NIPBL: variants seen among roughly 807,000 people sequenced by gnomAD.
NIPBL encodes the protein nipped-B-like protein.
Under a neutral mutation model 321.8 loss-of-function variants are expected in NIPBL, and 19 were observed. The observed-to-expected ratio is 0.06, with a 90% CI of 0.04 to 0.09. The LOEUF is 0.09. NIPBL is among the 10% of genes least tolerant of loss of function. NIPBL has a pLI of 1.00. For missense variants in NIPBL, 2,210 were observed against 3,327.0 expected, an observed-to-expected ratio of 0.66 and a Z score of 8.26; for synonymous variants, 1,106 against 1,114.1, an observed-to-expected ratio of 0.99 and a Z score of 0.14.
intron 1 of NIPBL, among the ~76,000 whole-genome samples, chr5:36,888,998 C>T (rs531303453): frequency 6.6e-6 from 1 of 152,034 alleles, no homozygotes; most frequent in Admixed American, 6.5e-5. Context: ...GAAGGGAGAC[C>T]CAGTTTGGTA....
intron 6 of NIPBL, among the ~76,000 whole-genome samples, chr5:36,968,412 C>CA (rs1181445860): frequency 5.3e-5 from 8 of 151,792 alleles, no homozygotes; most frequent in Non-Finnish European, 1.0e-4. Flanking sequence ...ACTAAAAATA[C>CA]AAAAAAATTA....
intron 8 of NIPBL, among the ~76,000 whole-genome samples, chr5:36,973,642 T>C (rs963154426): frequency 1.3e-5 from 2 of 152,160 alleles, no homozygotes; most frequent in Admixed American, 6.5e-5. Context: ...TGATTTTTTT[T>C]GTATTTTTAG....
chr5:36,955,584 C>T lies in NIPBL; in HGVS notation c.177C>T (p.Asp59=), dbSNP rs2149599551. ...EVNCLLACRD[D]NLVSQLVHSL... ...ACTGCCTTTTGGCTTGTAGGGATGA[C>T]AATTTGGTTTCACAGCTTGTCCATA... Residue 59 remains aspartate, a synonymous_variant, in exon 3 of 47, where the codon GAC becomes GAT. Transcript: ENST00000282516. 6.2e-7 allele frequency: 1 copy of T among 1,614,010 alleles called. No individual in the cohort carries two copies. Among genetic ancestry groups the T allele is most frequent in the East Asian group, 2.2e-5 (1 of 44,848 alleles).
chr5:36,937,890 CTGTT>C (rs1172073816), intron 1 of NIPBL, among the ~76,000 whole-genome samples: 7 of 152,034 alleles, frequency 4.6e-5, no homozygotes, highest in African/African-American at 1.7e-4. Context: ...AATCTTTCCC[CTGTT>C]TATTTTTAGT....
At chr5:36,944,986 T>C (rs550650034) in intron 1 of NIPBL, among the ~76,000 whole-genome samples, 48 of 152,268 alleles carry the variant, frequency 3.2e-4, no homozygotes, top group African/African-American at 1.1e-3. Flanking sequence ...GCATTTCTAA[T>C]ACAATTGTGT....
chr5:36,999,137 C>CATTT (rs1746496033), intron 11 of NIPBL, among the ~76,000 whole-genome samples: 1 of 152,132 alleles, frequency 6.6e-6, no homozygotes, highest in Non-Finnish European at 1.5e-5. Flanking sequence ...AGAGTATAGA[C>CATTT]ATTTATTACC....
intron 9 of NIPBL, 51 bp from the exon 10 acceptor site, chr5:36,984,625 G>A (rs762666581): frequency 6.6e-7 from 1 of 1,511,084 alleles, no homozygotes; most frequent in South Asian, 1.2e-5. Context: ...TTTTTAATAA[G>A]ATAAGAATAC....
intron 36 of NIPBL, among the ~76,000 whole-genome samples, chr5:37,044,938 G>A (rs1028066934): frequency 5.3e-5 from 8 of 152,184 alleles, no homozygotes; most frequent in Admixed American, 2.0e-4. Context: ...CTCCTGATAA[G>A]TAAAGATTGG....
intron 1 of NIPBL, among the ~76,000 whole-genome samples, chr5:36,905,334 G>A (rs992114975): frequency 6.6e-6 from 1 of 152,128 alleles, no homozygotes; most frequent in Non-Finnish European, 1.5e-5. Flanking sequence ...GTTTTTTCCT[G>A]TTTGAGTGAG....
chr5:36,967,658 A>G (rs914916646), intron 6 of NIPBL, among the ~76,000 whole-genome samples: 1 of 152,148 alleles, frequency 6.6e-6, no homozygotes, highest in African/African-American at 2.4e-5. Context: ...AATGTTTCTA[A>G]TTTTTTCTAC....
intron 38 of NIPBL, among the ~76,000 whole-genome samples, chr5:37,047,744 T>G (rs1226998486): frequency 2.0e-5 from 3 of 152,234 alleles, no homozygotes; most frequent in Admixed American, 2.0e-4. Flanking sequence ...GCTAGTTATC[T>G]GATCACTCTA....
chr5:36,965,478 G>A (rs754402079), intron 6 of NIPBL, among the ~76,000 whole-genome samples: 3 of 152,108 alleles, frequency 2.0e-5, no homozygotes, highest in Non-Finnish European at 4.4e-5. Flanking sequence ...ATTTTAAGAA[G>A]ATAGAGAATA....
intron 3 of NIPBL, 64 bp from the exon 4 acceptor site, chr5:36,958,040 A>G (rs1741175837): frequency 6.5e-7 from 1 of 1,526,818 alleles, no homozygotes; most frequent in South Asian, 1.1e-5. Context: ...TTACTTTTAT[A>G]TGATAAGTCT....
chr5:37,007,494 A>AT lies in NIPBL; in HGVS notation c.4239+24dup, dbSNP rs1472738992. Reference sequence around the variant, plus strand: ...CTTCAGGTAAGATTTTTTGGTAAGCATTTTGTATATTTCTAAACTAAATGA... The same window carrying AT: ...CTTCAGGTAAGATTTTTTGGTAAGCATTTTTGTATATTTCTAAACTAAATGA... On this transcript the variant is annotated intron_variant, in intron 18 of 46. Coordinates refer to ENST00000282516, the MANE Select transcript of NIPBL (RefSeq NM_133433.4). The AT allele has an allele frequency of 1.3e-6, 2 of 1,567,188 alleles. No individual in the cohort carries two copies. The highest frequency in any genetic ancestry group is 4.5e-5 in the East Asian group (2 of 44,400).
chr5:36,919,251 A>T (rs558891500), intron 1 of NIPBL, among the ~76,000 whole-genome samples: 1 of 152,320 alleles, frequency 6.6e-6, no homozygotes, highest in Admixed American at 6.5e-5. Flanking sequence ...TTACTACCAA[A>T]AGGTAAAGTA....
At chr5:37,055,513 C>T (rs1753999322) in intron 42 of NIPBL, among the ~76,000 whole-genome samples, 1 of 151,814 alleles carries the variant, frequency 6.6e-6, no homozygotes, top group Admixed American at 6.6e-5. Context: ...AGTCAGATTG[C>T]AAAGGAGTTG....
intron 21 of NIPBL, among the ~76,000 whole-genome samples, chr5:37,013,290 CG>C (rs1435886624): frequency 2.7e-5 from 4 of 148,036 alleles, no homozygotes; most frequent in Non-Finnish European, 6.0e-5. Context: ...GCTGGCCAGG[CG>C]GGGGGCTGAC....
At chr5:36,983,850 A>C (rs1057186872) in intron 9 of NIPBL, among the ~76,000 whole-genome samples, 6 of 152,008 alleles carry the variant, frequency 3.9e-5, no homozygotes, top group Non-Finnish European at 7.4e-5. Context: ...ACTGTAAATT[A>C]TTTCTTTCTG....
intron 34 of NIPBL, among the ~76,000 whole-genome samples, chr5:37,043,009 C>T (rs1402453821): frequency 6.6e-6 from 1 of 151,586 alleles, no homozygotes; most frequent in Non-Finnish European, 1.5e-5. Flanking sequence ...TCCTTTTCTA[C>T]CTTTTGGTTT....
Sources: allele counts gnomAD v4.1 joint callset (sites outside exome capture counted in the v4.1 genomes callset), GRCh38; gene constraint gnomAD v4.1.1; transcripts MANE v1.5; gene names NCBI Gene and HGNC (gene_info 2026-07-23, HGNC 2026-07-21).